Variants in PTPN13 observed in about 807,000 individuals in gnomAD.
The protein encoded by PTPN13 is protein tyrosine phosphatase non-receptor type 13.
PTPN13 carries 191 observed loss-of-function variants against 284.0 expected under a neutral mutation model. The observed-to-expected ratio is 0.67, with a 90% CI of 0.60 to 0.76. The LOEUF is 0.76. Among genes scored for constraint, PTPN13 ranks in the 30% least tolerant of loss-of-function variants. PTPN13 has a pLI of 0.00. For missense variants in PTPN13, 2,797 were observed against 2,939.9 expected (o/e 0.95, Z 1.12); for synonymous variants, 986 against 1,022.3 (o/e 0.96, Z 0.68).
chr4:86,643,549 A>G (rs1724066440), intron 2 of PTPN13, among the ~76,000 whole-genome samples: 1 of 152,196 alleles, frequency 6.6e-6, no homozygotes, highest in South Asian at 2.1e-4. Context: ...AATATCAGCA[A>G]AGTTTAGTGA....
intron 12 of PTPN13, among the ~76,000 whole-genome samples, chr4:86,733,493 A>C (rs763500955): frequency 6.6e-6 from 1 of 152,132 alleles, no homozygotes; most frequent in Non-Finnish European, 1.5e-5. Flanking sequence ...AAACTCTATA[A>C]GCTCTTAATA....
intron 7 of PTPN13, among the ~76,000 whole-genome samples, chr4:86,709,252 A>G (rs1732108638): frequency 6.6e-6 from 1 of 152,116 alleles, no homozygotes; most frequent in Non-Finnish European, 1.5e-5. Flanking sequence ...CTGATGTTTC[A>G]GGAATCTTTC....
chr4:86,728,257 A>C (rs1734509779), intron 10 of PTPN13, among the ~76,000 whole-genome samples: 1 of 149,442 alleles, frequency 6.7e-6, no homozygotes, highest in African/African-American at 2.4e-5. Context: ...TTTTAGAATA[A>C]GTGTGATGTG....
chr4:86,646,290 ATTTTTTTT>A (rs772882076), intron 2 of PTPN13, among the ~76,000 whole-genome samples: 1 of 132,860 alleles, frequency 7.5e-6, no homozygotes, highest in Non-Finnish European at 1.6e-5. Flanking sequence ...AATATTTGCA[ATTTTTTTT>A]TTTTTTTTTT....
At chr4:86,758,552 T>G in intron 21 of PTPN13, 126 bp from the exon 22 acceptor site, 1 of 960,510 alleles carries the variant, frequency 1.0e-6, no homozygotes, top group African/African-American at 1.6e-5. Context: ...TCCACAAAAT[T>G]TAATATGTGT....
At position 86,717,008 on chromosome 4, in the gene PTPN13, T is replaced by TTTCA; in HGVS notation, c.1292-10_1292-7dup. ...TCTATCACCTGTGCCATTATTTCTT[T>TTTCA]TTCATTCATAATTAGTGAGAAGAAG... On this transcript the variant is annotated splice_polypyrimidine_tract_variant and intron_variant, in intron 8 of 47. Transcript: ENST00000411767. 1 of 1,579,408 alleles carries TTTCA rather than the reference T, an allele frequency of 6.3e-7. No homozygotes were observed. Among genetic ancestry groups the TTTCA allele is most frequent in the Non-Finnish European group, 8.7e-7 (1 of 1,150,752 alleles).
intron 1 of PTPN13, among the ~76,000 whole-genome samples, chr4:86,604,979 C>T (rs569555547): frequency 6.6e-6 from 1 of 152,036 alleles, no homozygotes; most frequent in Non-Finnish European, 1.5e-5. Flanking sequence ...TCAGGATTCA[C>T]TTGGGGAGTA....
chr4:86,766,273 G>A (rs1232651475), intron 26 of PTPN13, among the ~76,000 whole-genome samples, 159 bp from the exon 27 acceptor site: 4 of 152,122 alleles, frequency 2.6e-5, no homozygotes, highest in African/African-American at 4.8e-5. Flanking sequence ...ACATAAGATT[G>A]GGGAATAAAT....
At position 86,632,571 on chromosome 4, in the gene PTPN13, C is replaced by T. The variant is rs147435567; in HGVS notation, c.-5-2681C>T. Among the ~76,000 whole-genome samples, 1,468 of 152,160 alleles carry T rather than the reference C, an allele frequency of 9.6e-3. 16 individuals are homozygous for T. The highest frequency in any genetic ancestry group is 0.033 in the African/African-American group (1,386 of 41,524). The stretch of plus-strand genomic sequence containing the variant: ...GCCAGTAACCCCTAACCCCTCTAGC[C>T]CTCAGCCTAGTTTTCTTTCAGGCCA... On this transcript the variant is annotated intron_variant, in intron 1 of 47. Coordinates refer to ENST00000411767, the MANE Select transcript of PTPN13 (RefSeq NM_080683.3).
chr4:86,664,143 C>G (rs1726811797), intron 2 of PTPN13, among the ~76,000 whole-genome samples: 1 of 152,086 alleles, frequency 6.6e-6, no homozygotes, highest in Non-Finnish European at 1.5e-5. Flanking sequence ...CACCAAAGTC[C>G]TCAGTGGATC....
chr4:86,740,506 G>A (rs1382264270), intron 15 of PTPN13, among the ~76,000 whole-genome samples: 2 of 152,184 alleles, frequency 1.3e-5, no homozygotes, highest in Non-Finnish European at 2.9e-5. Context: ...CTACACAGCA[G>A]AGGGACCCTG....
At chr4:86,791,101 A>G (rs1263107229) in intron 40 of PTPN13, among the ~76,000 whole-genome samples, 2 of 152,168 alleles carry the variant, frequency 1.3e-5, no homozygotes, top group Non-Finnish European at 2.9e-5. Context: ...AAGCAAAGCC[A>G]TGACAGACTG....
At chr4:86,682,450 G>C (rs1029366855) in intron 3 of PTPN13, among the ~76,000 whole-genome samples, 3 of 151,160 alleles carry the variant, frequency 2.0e-5, no homozygotes, top group Admixed American at 2.0e-4. Flanking sequence ...AACTTGTACT[G>C]CCTGATTCTT....
chr4:86,734,797 G>A lies in PTPN13; in HGVS notation c.2073G>A (p.Arg691=), dbSNP rs1735312939. 6.2e-7 allele frequency: 1 copy of A among 1,613,366 alleles called. No homozygotes were observed. The highest frequency in any genetic ancestry group is 8.5e-7 in the Non-Finnish European group (1 of 1,179,492). Residue 691 remains arginine (R), a synonymous_variant, in exon 14 of 48, where the codon AGG becomes AGA. Transcript: ENST00000411767. ...LQLRKDILEE[R]MHCDDETSLL... ...TTCGAAAAGATATTTTGGAGGAAAG[G>A]ATGCACTGTGATGATGAGACTTCCT...
intron 1 of PTPN13, among the ~76,000 whole-genome samples, chr4:86,599,531 G>A (rs1052893158): frequency 6.6e-6 from 1 of 151,982 alleles, no homozygotes; most frequent in Admixed American, 6.6e-5. Context: ...AAGTGCTCAG[G>A]AGCCACTTGC....
intron 3 of PTPN13, among the ~76,000 whole-genome samples, chr4:86,681,114 A>G (rs1728856082): frequency 6.6e-6 from 1 of 152,212 alleles, no homozygotes; most frequent in Non-Finnish European, 1.5e-5. Flanking sequence ...AGAGGGACAC[A>G]TAGTCTGTGT....
intron 6 of PTPN13, among the ~76,000 whole-genome samples, chr4:86,698,354 CA>C (rs1730786703): frequency 6.6e-6 from 1 of 152,114 alleles, no homozygotes; most frequent in African/African-American, 2.4e-5. Context: ...CAGTTTTGAG[CA>C]TGTTGCATTT....
intron 6 of PTPN13, among the ~76,000 whole-genome samples, chr4:86,698,854 G>T (rs900183508): frequency 1.3e-5 from 2 of 152,048 alleles, no homozygotes; most frequent in East Asian, 3.9e-4. Context: ...GGGGAAATGT[G>T]GTTAACAGAG....
intron 1 of PTPN13, among the ~76,000 whole-genome samples, chr4:86,626,603 A>G (rs73838922): frequency 0.011 from 1,673 of 152,226 alleles, 31 homozygotes; most frequent in African/African-American, 0.037. Flanking sequence ...TACACCTCTA[A>G]TAGTGCTTTT....
Sources: allele counts gnomAD v4.1 joint callset (sites outside exome capture counted in the v4.1 genomes callset), GRCh38; gene constraint gnomAD v4.1.1; transcripts MANE v1.5; gene names NCBI Gene and HGNC (gene_info 2026-07-23, HGNC 2026-07-21).